The following PFKFB3 variants were observed in gnomAD, a reference collection of about 807,000 sequenced individuals.
PFKFB3 encodes the protein 6-phosphofructo-2-kinase/fructose-2,6-bisphosphatase 3.
PFKFB3 carries 33 observed loss-of-function variants against 68.0 expected under a neutral mutation model. That is an observed-to-expected ratio of 0.49 (90% CI 0.37 to 0.65). PFKFB3 has a LOEUF of 0.65. Ranked by LOEUF, PFKFB3 falls within the 30% of genes least tolerant of loss-of-function variation. PFKFB3 has a pLI of 0.00. For missense variants in PFKFB3, 586 were observed against 712.2 expected, an observed-to-expected ratio of 0.82 and a Z score of 2.02; for synonymous variants, 315 against 288.2, an observed-to-expected ratio of 1.09 and a Z score of -0.94.
At chr10:6,211,444 C>T (rs1844226893) in intron 1 of PFKFB3, among the ~76,000 whole-genome samples, 1 of 152,138 alleles carries the variant, frequency 6.6e-6, no homozygotes, top group South Asian at 2.1e-4. Context: ...CCTGGTAAGA[C>T]CAGGAGGGAC....
chr10:6,166,821 C>CTTTTTTTTTTTTT (rs144747290), intron 1 of PFKFB3, among the ~76,000 whole-genome samples: 2 of 95,274 alleles, frequency 2.1e-5, no homozygotes, highest in African/African-American at 3.9e-5. Context: ...CCTTCTTCTT[C>CTTTTTTTTTTTTT]TTTTTTTTTT....
intron 14 of PFKFB3, among the ~76,000 whole-genome samples, chr10:6,245,402 T>TTATTA (rs1846232801): frequency 6.8e-6 from 1 of 147,038 alleles, no homozygotes; most frequent in Non-Finnish European, 1.5e-5. Context: ...GCCTATTTGA[T>TTATTA]TTATTATTAT....
chr10:6,234,301 C>T lies in PFKFB3; in HGVS notation c.*1359C>T, dbSNP rs1845907325. 1.3e-5 allele frequency: 2 copies of T among 152,452 alleles called. No individual in the cohort carries two copies. Among genetic ancestry groups the T allele is most frequent in the South Asian group, 2.1e-4 (1 of 4,822 alleles). The allele number at this position is 152,452 out of a possible 1,614,324, so 9.4% of individuals were successfully genotyped here. A position where few individuals can be genotyped will look rare whatever the true frequency, so the allele number is the denominator to read the frequency against. ...CTTCTGCTGTGAGCCCTGAGATCCT[C>T]CTCCCAGCTCAAGGGACAGGTCCTG... On this transcript the variant is annotated 3_prime_UTR_variant, in exon 15 of 15. Transcript: ENST00000379775.
chr10:6,226,369 A>G lies in PFKFB3; in HGVS notation c.1515+4A>G, dbSNP rs1230107738. On this transcript the variant is annotated splice_donor_region_variant and intron_variant, in intron 14 of 14. Coordinates refer to ENST00000379775, the MANE Select transcript of PFKFB3 (RefSeq NM_004566.4). ...GCCCACGCAGCTGCCTGGACAAGTCAGTGCACTCCCCTTTCCTTCCTGCCT... is the reference window on the plus strand; with the variant it reads ...GCCCACGCAGCTGCCTGGACAAGTCGGTGCACTCCCCTTTCCTTCCTGCCT... 1 of 1,604,104 alleles carries G rather than the reference A, an allele frequency of 6.2e-7. No homozygotes were observed. Among genetic ancestry groups the G allele is most frequent in the African/African-American group, 1.3e-5 (1 of 74,550 alleles).
the PFKFB3 span, among the ~76,000 whole-genome samples, chr10:6,272,326 A>C: frequency 1.3e-5 from 2 of 152,140 alleles, no homozygotes; most frequent in African/African-American, 4.8e-5. Context: ...CAATTGCCCT[A>C]TTAGGACATC....
intron 14 of PFKFB3, among the ~76,000 whole-genome samples, chr10:6,227,094 A>G (rs1002498499): frequency 2.6e-5 from 4 of 152,140 alleles, no homozygotes; most frequent in Admixed American, 2.6e-4. Flanking sequence ...TCAAAAAAAA[A>G]AAGCAAAAAA....
In PFKFB3 at chr10:6,154,110, G is replaced by A. The variant is rs1208501944; in HGVS notation, c.16+9097G>A. Among the ~76,000 whole-genome samples the A allele has an allele frequency of 1.3e-5, 2 of 152,168 alleles. No individual in the cohort carries two copies. The highest frequency in any genetic ancestry group is 3.8e-4 in the East Asian group (2 of 5,196). ...CACCGCTTCTGCAGGGTGAGAGGGT[G>A]GAAGCCAGGTGGACACAGGCTTAGG... is the stretch of plus-strand genomic sequence containing the variant. On this transcript the variant is annotated intron_variant, in intron 1 of 14. Transcript: ENST00000379789. The surrounding 1 kb of genome is among the most constrained non-coding windows in gnomAD (Gnocchi z 4.6).
the PFKFB3 span, among the ~76,000 whole-genome samples, chr10:6,262,736 A>G: frequency 6.6e-6 from 1 of 152,210 alleles, no homozygotes; most frequent in Non-Finnish European, 1.5e-5. Context: ...AAGGTAACAG[A>G]GAGAATAGCT....
the PFKFB3 span, among the ~76,000 whole-genome samples, chr10:6,322,000 C>G: frequency 6.6e-6 from 1 of 151,586 alleles, no homozygotes; most frequent in African/African-American, 2.4e-5. Flanking sequence ...CATGAAACAC[C>G]ATCCATGTAA....
chr10:6,326,140 A>G, the PFKFB3 span, among the ~76,000 whole-genome samples: 3 of 152,358 alleles, frequency 2.0e-5, no homozygotes, highest in South Asian at 6.2e-4. Context: ...TTGCAAGGAC[A>G]TGGGTGGAGC....
chr10:6,305,260 GCTATCCTC>G, the PFKFB3 span, among the ~76,000 whole-genome samples: 1 of 136,048 alleles, frequency 7.4e-6, no homozygotes, highest in African/African-American at 2.7e-5. Flanking sequence ...CTGAGCTCAA[GCTATCCTC>G]CTGCCTCGGC....
chr10:6,171,736 G>A (rs1015396430), intron 1 of PFKFB3, among the ~76,000 whole-genome samples: 1 of 152,258 alleles, frequency 6.6e-6, no homozygotes, highest in Non-Finnish European at 1.5e-5. Context: ...TGTACATAAT[G>A]TGTTCGTGCA....
chr10:6,297,471 G>T, the PFKFB3 span, among the ~76,000 whole-genome samples: 1 of 152,036 alleles, frequency 6.6e-6, no homozygotes, highest in East Asian at 1.9e-4. Flanking sequence ...AAGTGCAGAT[G>T]AGAATCAGGA....
rs1279566131 is a variant in PFKFB3 at position 6,234,270 on chromosome 10, TC to T, written c.*1330del. 3 of 152,328 alleles carry T rather than the reference TC, an allele frequency of 2.0e-5. No homozygotes were observed. The highest frequency in any genetic ancestry group is 7.2e-5 in the African/African-American group (3 of 41,438). 9.4% of individuals were successfully genotyped at this position (152,328 alleles called of 1,614,324 possible). On this transcript the variant is annotated 3_prime_UTR_variant, in exon 15 of 15. Transcript: ENST00000379775. ...GCTTGTGCCAAAGGTCACTTTTCTTTCCTGCCTTCTGCTGTGAGCCCTGAGA... is the reference window on the plus strand; with the variant it reads ...GCTTGTGCCAAAGGTCACTTTTCTTTCTGCCTTCTGCTGTGAGCCCTGAGA...
At chr10:6,259,168 A>T (rs1846515334), downstream of PFKFB3, among the ~76,000 whole-genome samples, 1 of 145,464 alleles carries the variant, frequency 6.9e-6, no homozygotes. Flanking sequence ...CCATTTATTC[A>T]TTCATCCCAT....
At chr10:6,311,426 A>G in the PFKFB3 span, among the ~76,000 whole-genome samples, 1 of 151,994 alleles carries the variant, frequency 6.6e-6, no homozygotes, top group Non-Finnish European at 1.5e-5. Context: ...CCTACGGAAG[A>G]CCTACCAGCA....
downstream of PFKFB3, among the ~76,000 whole-genome samples, chr10:6,256,794 G>C (rs1209963579): frequency 6.6e-6 from 1 of 152,232 alleles, no homozygotes; most frequent in Non-Finnish European, 1.5e-5. Context: ...ACCCATGGGA[G>C]GAAGAAAGGG....
At chr10:6,301,877 C>T in the PFKFB3 span, among the ~76,000 whole-genome samples, 1 of 152,176 alleles carries the variant, frequency 6.6e-6, no homozygotes, top group Non-Finnish European at 1.5e-5. Context: ...CTGAGAGTCA[C>T]ATGCTTTATT....
At chr10:6,292,197 T>A in the PFKFB3 span, among the ~76,000 whole-genome samples, 2 of 144,750 alleles carry the variant, frequency 1.4e-5, no homozygotes, top group Non-Finnish European at 3.0e-5. Flanking sequence ...CAAGTGATCC[T>A]CCCACCTCAG....
Sources: allele counts gnomAD v4.1 joint callset (sites outside exome capture counted in the v4.1 genomes callset), GRCh38; gene constraint gnomAD v4.1.1; non-coding constraint Gnocchi (gnomAD v3.1); transcripts MANE v1.5; gene names NCBI Gene and HGNC (gene_info 2026-07-23, HGNC 2026-07-21).